ZNF107: variants seen among roughly 807,000 people sequenced by gnomAD.
The protein encoded by ZNF107 is zinc finger protein 107.
In ZNF107, 19 loss-of-function variants were observed where a neutral mutation model predicts 12.3. The observed-to-expected ratio is 1.55, with a 90% CI of 1.08 to 2.27. The LOEUF (loss-of-function observed/expected upper bound fraction) is 2.27, where lower values mean the gene tolerates loss of function less well. ZNF107 is among the 30% of genes most tolerant of loss of function. The pLI, the probability that ZNF107 is intolerant of heterozygous loss-of-function variation, is 0.00. For missense variants in ZNF107, 958 were observed against 979.9 expected (o/e 0.98, Z 0.30); for synonymous variants, 317 against 330.5 (o/e 0.96, Z 0.44).
At position 64,668,731 on chromosome 7, in the gene ZNF107, T is replaced by C. The variant is rs573820605; in HGVS notation, c.3+2446T>C. ...TCCCAGACTTAGTTTAGGAATTTAC[T>C]CAGGTGTGTTTTTTATGGCTGGGTG... On this transcript the variant is annotated intron_variant, in intron 1 of 3. Coordinates refer to ENST00000620827, the MANE Select transcript of ZNF107 (RefSeq NM_001282359.2). Among the ~76,000 whole-genome samples the C allele has an allele frequency of 2.6e-5, 4 of 152,278 alleles. No individual in the cohort carries two copies. In the East Asian group the frequency reaches 5.8e-4, roughly 22 times the overall value.
At chr7:64,678,799 A>T (rs1378750300) in intron 1 of ZNF107, among the ~76,000 whole-genome samples, 1 of 152,162 alleles carries the variant, frequency 6.6e-6, no homozygotes, top group East Asian at 1.9e-4. Flanking sequence ...GCATGATTTT[A>T]GTGTCTTTTA....
rs1301866445 is a variant in ZNF107 at position 64,707,610 on chromosome 7, G to A, written c.1513G>A (p.Gly505Arg). The change falls in exon 4 of 4, where the codon GGA becomes AGA. Residue 505 changes from glycine (G) to arginine (R), a missense_variant. Coordinates refer to ENST00000620827, the MANE Select transcript of ZNF107 (RefSeq NM_001282359.2). Reference protein sequence around the residue: ...TLTRHKKIHTGEKPYKCEECD... With the variant: ...TLTRHKKIHTREKPYKCEECD... ...TACTAGACATAAGAAAATTCATACT[G>A]GAGAGAAACCCTACAAATGTGAAGA... 1 of 1,612,464 alleles carries A rather than the reference G, an allele frequency of 6.2e-7. No individual in the cohort carries two copies. The highest frequency in any genetic ancestry group is 8.5e-7 in the Non-Finnish European group (1 of 1,179,570).
At chr7:64,679,166 C>T in intron 1 of ZNF107, 5 of 984,176 alleles carry the variant, frequency 5.1e-6, no homozygotes, top group Non-Finnish European at 6.0e-6. Context: ...TGGGTTTTCT[C>T]TTCAATCCAG....
At chr7:64,700,820 G>C (rs1282302844) in intron 3 of ZNF107, among the ~76,000 whole-genome samples, 1 of 152,084 alleles carries the variant, frequency 6.6e-6, no homozygotes, top group Non-Finnish European at 1.5e-5. Flanking sequence ...GATTACAGGC[G>C]TGAGCCACCA....
chr7:64,687,651 C>A, intron 1 of ZNF107: 1 of 785,810 alleles, frequency 1.3e-6, no homozygotes, highest in Non-Finnish European at 1.5e-6. Flanking sequence ...TATGGATGAC[C>A]TCCCAAATTA....
At chr7:64,699,560 G>T (rs953341945) in intron 3 of ZNF107, among the ~76,000 whole-genome samples, 2 of 152,066 alleles carry the variant, frequency 1.3e-5, no homozygotes, top group Non-Finnish European at 2.9e-5. Flanking sequence ...GAGTAGCTAG[G>T]ACTACAGACA....
chr7:64,683,972 A>G (rs779616287), intron 1 of ZNF107, among the ~76,000 whole-genome samples: 8 of 152,048 alleles, frequency 5.3e-5, no homozygotes, highest in Admixed American at 1.3e-4. Context: ...CGGCCTCCCT[A>G]CTTCCATCCA....
intron 1 of ZNF107, among the ~76,000 whole-genome samples, chr7:64,668,404 G>C (rs10085367): frequency 6.8e-6 from 1 of 147,366 alleles, no homozygotes; most frequent in Non-Finnish European, 1.5e-5. Context: ...AGAACATGCG[G>C]TGTTTGGTTT....
intron 3 of ZNF107, among the ~76,000 whole-genome samples, chr7:64,696,824 T>G (rs1262173150): frequency 6.6e-6 from 1 of 152,184 alleles, no homozygotes; most frequent in African/African-American, 2.4e-5. Context: ...TATTTATTTT[T>G]TATTTTTTAT....
chr7:64,679,064 T>C (rs73361890), intron 1 of ZNF107: 7,057 of 167,264 alleles, frequency 0.042, 438 homozygotes, highest in African/African-American at 0.14. Context: ...TGTGTTATGG[T>C]GTAGTCTGGA....
intron 1 of ZNF107, among the ~76,000 whole-genome samples, chr7:64,674,970 G>A (rs1789366503): frequency 6.6e-6 from 1 of 151,644 alleles, no homozygotes; most frequent in South Asian, 2.1e-4. Flanking sequence ...GATCATAGTG[G>A]ATTAGCTTTT....
At chr7:64,683,061 T>C (rs1318919882) in intron 1 of ZNF107, among the ~76,000 whole-genome samples, 3 of 152,196 alleles carry the variant, frequency 2.0e-5, no homozygotes. Flanking sequence ...TGCTATTTGT[T>C]GTGTCCCACA....
rs1429041107 is a variant in ZNF107, at chr7:64,666,269, C to T, written c.-14C>T. The T allele has an allele frequency of 6.2e-7, 1 of 1,609,556 alleles. No homozygotes were observed. Among genetic ancestry groups the T allele is most frequent in the Non-Finnish European group, 8.5e-7 (1 of 1,177,536 alleles). ...TCCACAGCTAAGACGCCGGGACTCC[C>T]TGGAAACCTAGAAATGGTGAGAGTG... On this transcript the variant is annotated 5_prime_UTR_variant, in exon 1 of 4. Coordinates refer to ENST00000620827, the MANE Select transcript of ZNF107 (RefSeq NM_001282359.2).
chr7:64,679,171 A>T, intron 1 of ZNF107: 1 of 984,548 alleles, frequency 1.0e-6, no homozygotes, highest in South Asian at 4.7e-5. Context: ...TTTCTCTTCA[A>T]TCCAGACTGT....
At chr7:64,705,696 CT>C (rs59441538) in intron 3 of ZNF107, among the ~76,000 whole-genome samples, 3,632 of 134,922 alleles carry the variant, frequency 0.027, 49 homozygotes, top group African/African-American at 0.048. Context: ...AATTTTCTAG[CT>C]TTTTTTTTTT....
chr7:64,670,118 C>A (rs1248199454), intron 1 of ZNF107, among the ~76,000 whole-genome samples: 1 of 152,068 alleles, frequency 6.6e-6, no homozygotes, highest in African/African-American at 2.4e-5. Flanking sequence ...GAGAGTCTTA[C>A]TAAAGATGAA....
At chr7:64,696,052 G>A (rs1790275195) in intron 3 of ZNF107, among the ~76,000 whole-genome samples, 1 of 151,804 alleles carries the variant, frequency 6.6e-6, no homozygotes, top group Non-Finnish European at 1.5e-5. Context: ...AACATATGGA[G>A]ATTCCCTCTC....
chr7:64,692,618 T>C (rs10269787), intron 3 of ZNF107, among the ~76,000 whole-genome samples: 141,456 of 152,142 alleles, frequency 0.93, 65,787 homozygotes, highest in African/African-American at 0.94. Flanking sequence ...GAAAACATGG[T>C]GCTTTATCAA....
intron 3 of ZNF107, among the ~76,000 whole-genome samples, chr7:64,700,696 T>TATGG (rs1790448891): frequency 6.6e-6 from 1 of 151,792 alleles, no homozygotes; most frequent in Admixed American, 6.6e-5. Flanking sequence ...CCTGCCACCA[T>TATGG]GCCTGGCTAA....
Sources: gnomAD v4.1 joint callset for allele counts (sites outside exome capture counted in the v4.1 genomes callset) on GRCh38, gnomAD v4.1.1 for gene constraint, MANE v1.5 for transcripts, NCBI Gene and HGNC (gene_info 2026-07-23, HGNC 2026-07-21) for gene names.